The following GIGYF2 variants were observed in gnomAD, a reference collection of about 807,000 sequenced individuals.
GIGYF2 encodes the protein GRB10 interacting GYF protein 2.
A neutral mutation model predicts 208.1 loss-of-function variants in GIGYF2; 25 were observed. That is an observed-to-expected ratio of 0.12 (90% confidence interval 0.09 to 0.17). The LOEUF is 0.17. Ranked by LOEUF, GIGYF2 falls within the 10% of genes least tolerant of loss-of-function variation. The probability of loss-of-function intolerance (pLI) is 1.00; values close to 1 mark genes in which losing one functional copy is unlikely to be tolerated. For synonymous variants in GIGYF2, 534 were observed against 543.8 expected (o/e 0.98, Z 0.25); for missense variants, 1,302 against 1,579.4 (o/e 0.82, Z 2.98).
intron 16 of GIGYF2, 105 bp downstream of exon 16, chr2:232,809,916 T>A: frequency 1.3e-6 from 1 of 759,916 alleles, no homozygotes; most frequent in Non-Finnish European, 2.4e-6. Context: ...TAACGGCTTA[T>A]ATGGCACTTC....
chr2:232,796,601 G>A (rs947763200), intron 14 of GIGYF2, among the ~76,000 whole-genome samples: 2 of 152,224 alleles, frequency 1.3e-5, no homozygotes, highest in African/African-American at 4.8e-5. Context: ...GCTCACGCCT[G>A]TAATCCCAGC....
chr2:232,752,089 G>T (rs60804144), intron 5 of GIGYF2, among the ~76,000 whole-genome samples: 13 of 152,266 alleles, frequency 8.5e-5, no homozygotes, highest in African/African-American at 2.9e-4. Context: ...CATCAGATCC[G>T]TTTTGAAGGC....
At chr2:232,756,801 A>G (rs530390942) in intron 6 of GIGYF2, among the ~76,000 whole-genome samples, 348 of 152,356 alleles carry the variant, frequency 2.3e-3, no homozygotes, top group Admixed American at 4.6e-3. Flanking sequence ...GTAGAAAAAA[A>G]GATAATTCTG....
chr2:232,711,592 T>G, intron 2 of GIGYF2, among the ~76,000 whole-genome samples: 1 of 151,262 alleles, frequency 6.6e-6, no homozygotes, highest in Non-Finnish European at 1.5e-5. Flanking sequence ...TACAGATTTC[T>G]TTTATGTCTT....
chr2:232,814,271 C>T (rs1206447621), intron 18 of GIGYF2, among the ~76,000 whole-genome samples: 1 of 151,988 alleles, frequency 6.6e-6, no homozygotes, highest in African/African-American at 2.4e-5. Context: ...CATTAAACTA[C>T]CTTCAGGCTG....
In GIGYF2 at chr2:232,817,045, G is replaced by A. The variant is rs201873410; in HGVS notation, c.2370+13G>A. ...CCGAAGGAAACAGGTATGTATCTGG[G>A]AACTCTGACCATAGGATTAGTGCTT... On this transcript the variant is annotated intron_variant, in intron 20 of 28. Coordinates refer to ENST00000373563, the MANE Select transcript of GIGYF2 (RefSeq NM_001103146.3). 8.7e-5 allele frequency: 139 copies of A among 1,597,496 alleles called. No individual in the cohort carries two copies. Among genetic ancestry groups the A allele is most frequent in the Admixed American group, 4.3e-4 (26 of 59,974 alleles).
intron 2 of GIGYF2, among the ~76,000 whole-genome samples, chr2:232,708,575 T>C (rs1696238353): frequency 6.6e-6 from 1 of 151,266 alleles, no homozygotes; most frequent in Non-Finnish European, 1.5e-5. Context: ...GTGGCTAACG[T>C]CTGTAATTCC....
intron 21 of GIGYF2, among the ~76,000 whole-genome samples, chr2:232,824,086 T>C (rs11679581): frequency 0.17 from 25,240 of 152,258 alleles, 2,626 homozygotes; most frequent in Non-Finnish European, 0.22. Flanking sequence ...CTATAGTGCA[T>C]GTTCTGACTA....
chr2:232,840,189 T>G (rs1293578883), intron 23 of GIGYF2, among the ~76,000 whole-genome samples: 1 of 152,218 alleles, frequency 6.6e-6, no homozygotes, highest in Non-Finnish European at 1.5e-5. Context: ...ACTGTTCAGT[T>G]TTCTTAAACA....
chr2:232,771,366 A>G, intron 8 of GIGYF2: 2 of 1,600,692 alleles, frequency 1.2e-6, no homozygotes, highest in Non-Finnish European at 1.7e-6. Flanking sequence ...TGTCCATCTC[A>G]GGCTGTATTT....
At chr2:232,766,049 C>T (rs1455158709) in intron 8 of GIGYF2, 1 of 470,754 alleles carries the variant, frequency 2.1e-6, no homozygotes. Flanking sequence ...GCCCTTTTTC[C>T]ATTGTTACTT....
intron 21 of GIGYF2, among the ~76,000 whole-genome samples, chr2:232,831,555 T>C (rs1468115749): frequency 6.6e-6 from 1 of 152,220 alleles, no homozygotes; most frequent in Non-Finnish European, 1.5e-5. Context: ...TAGGATACTT[T>C]CAGCTCCAAA....
chr2:232,764,300 G>A (rs1248562463), intron 8 of GIGYF2: 1 of 152,220 alleles, frequency 6.6e-6, no homozygotes, highest in Non-Finnish European at 1.5e-5. Flanking sequence ...TTCATCAGCG[G>A]TGTGCTGATG....
chr2:232,736,212 T>C (rs1156702534), intron 3 of GIGYF2: 1 of 951,544 alleles, frequency 1.1e-6, no homozygotes, highest in Non-Finnish European at 1.3e-6. Context: ...ATTTTGAGAG[T>C]TTATTTAGAA....
chr2:232,844,821 T>C (rs546283463), intron 25 of GIGYF2, among the ~76,000 whole-genome samples: 2 of 152,296 alleles, frequency 1.3e-5, no homozygotes, highest in South Asian at 4.1e-4. Flanking sequence ...AACCACTTAA[T>C]AAATATTAGG....
intron 23 of GIGYF2, 71 bp from the exon 24 acceptor site, chr2:232,843,973 TTA>T: frequency 2.2e-6 from 3 of 1,337,634 alleles, no homozygotes; most frequent in Non-Finnish European, 3.2e-6. Context: ...TACATTCCAT[TTA>T]GTATACTGGA....
Position 232,857,024 on chromosome 2 carries a change from T to C in GIGYF2, c.*164T>C, listed in dbSNP as rs912362687. On this transcript the variant is annotated 3_prime_UTR_variant, in exon 29 of 29. Coordinates refer to ENST00000373563, the MANE Select transcript of GIGYF2 (RefSeq NM_001103146.3). The stretch of plus-strand genomic sequence containing the variant: ...CTGGCCCTTTGTGTCCAAGATTCTT[T>C]AATCCATTTTTGTTGGTGAACATCT... The C allele has an allele frequency of 1.2e-5, 8 of 681,760 alleles. No individual in the cohort carries two copies. The highest frequency in any genetic ancestry group is 4.7e-5 in the South Asian group (3 of 63,994). The allele number at this position is 681,760 out of a possible 1,614,324, so 42.2% of individuals were successfully genotyped here. A position where few individuals can be genotyped will look rare whatever the true frequency, so the allele number is the denominator to read the frequency against.
intron 8 of GIGYF2, among the ~76,000 whole-genome samples, chr2:232,763,859 T>C (rs1222615317): frequency 6.6e-6 from 1 of 151,538 alleles, no homozygotes; most frequent in African/African-American, 2.4e-5. Flanking sequence ...TATGTGAATG[T>C]GGTCTCTGTC....
At chr2:232,731,835 G>A (rs192674163) in intron 2 of GIGYF2, among the ~76,000 whole-genome samples, 3 of 152,190 alleles carry the variant, frequency 2.0e-5, no homozygotes, top group Admixed American at 6.5e-5. Context: ...AGAAGGCTCC[G>A]GCACATCTGG....
Sources: allele counts gnomAD v4.1 joint callset (sites outside exome capture counted in the v4.1 genomes callset), GRCh38; gene constraint gnomAD v4.1.1; transcripts MANE v1.5; gene names NCBI Gene and HGNC (gene_info 2026-07-23, HGNC 2026-07-21).